Variants in RBFOX1 observed in about 807,000 individuals in gnomAD.
The protein encoded by RBFOX1 is RNA binding protein fox-1 homolog 1.
Under a neutral mutation model 57.7 loss-of-function variants are expected in RBFOX1, and 8 were observed. That is an observed-to-expected ratio of 0.14 (90% CI 0.08 to 0.25). The LOEUF is 0.25. Ranked by LOEUF, RBFOX1 falls within the 10% of genes least tolerant of loss-of-function variation. The probability of loss-of-function intolerance (pLI) is 1.00; values close to 1 mark genes in which losing one functional copy is unlikely to be tolerated. For missense variants in RBFOX1, 611 were observed against 548.5 expected, an observed-to-expected ratio of 1.11 and a Z score of -1.14; for synonymous variants, 326 against 222.4, an observed-to-expected ratio of 1.47 and a Z score of -4.15.
intron 4 of RBFOX1, among the ~76,000 whole-genome samples, chr16:5,953,548 A>G (rs1034305254): frequency 6.6e-6 from 1 of 151,902 alleles, no homozygotes; most frequent in Non-Finnish European, 1.5e-5. Flanking sequence ...ATGCCTTTGC[A>G]TCCTCATAGC....
intron 1 of RBFOX1, chr16:5,289,149 A>ATAACAT: frequency 4.1e-6 from 1 of 242,568 alleles, no homozygotes; most frequent in South Asian, 8.3e-5. Flanking sequence ...ACACACAACA[A>ATAACAT]TAACATTAAA....
chr16:7,687,765 A>G (rs963846034), intron 14 of RBFOX1, among the ~76,000 whole-genome samples: 13 of 152,182 alleles, frequency 8.5e-5, no homozygotes, highest in African/African-American at 2.9e-4. Context: ...TAAGTATAAA[A>G]TGTTAAAAAT....
intron 2 of RBFOX1, among the ~76,000 whole-genome samples, chr16:6,478,430 T>TATA (rs1491380922): frequency 2.6e-3 from 33 of 12,700 alleles, no homozygotes; most frequent in African/African-American, 8.8e-3. Flanking sequence ...TATATATATA[T>TATA]TTTTTTTTTT....
At chr16:5,606,601 G>A (rs1278680270) in intron 3 of RBFOX1, among the ~76,000 whole-genome samples, 5 of 152,100 alleles carry the variant, frequency 3.3e-5, no homozygotes, top group Non-Finnish European at 5.9e-5. Flanking sequence ...GACTCAAACC[G>A]TGCCCTCAAA....
chr16:5,660,766 A>G (rs80056159), intron 3 of RBFOX1, among the ~76,000 whole-genome samples: 2,158 of 152,248 alleles, frequency 0.014, 31 homozygotes, highest in African/African-American at 0.033. Context: ...GATGCCTGCT[A>G]TGCCGGAGAG....
intron 4 of RBFOX1, among the ~76,000 whole-genome samples, chr16:7,082,902 T>C (rs1288572190): frequency 6.6e-6 from 1 of 152,222 alleles, no homozygotes; most frequent in Non-Finnish European, 1.5e-5. Flanking sequence ...ATAATTTCTC[T>C]TGAAGCTTGA....
chr16:6,495,843 G>T (rs1413804002), intron 2 of RBFOX1, among the ~76,000 whole-genome samples: 1 of 152,198 alleles, frequency 6.6e-6, no homozygotes, highest in Non-Finnish European at 1.5e-5. Flanking sequence ...ACGTGGAATT[G>T]TTGGTTGTCC....
intron 2 of RBFOX1, among the ~76,000 whole-genome samples, chr16:6,429,210 T>C (rs1471001025): frequency 6.6e-6 from 1 of 152,218 alleles, no homozygotes; most frequent in African/African-American, 2.4e-5. Context: ...GTTTGAAATG[T>C]GTCTGTGGAG....
In RBFOX1 at chr16:5,641,534, T is replaced by C. The variant is rs1030811025; in HGVS notation, c.318+42573T>C. Among the ~76,000 whole-genome samples, 7 of 152,338 alleles carry C rather than the reference T, an allele frequency of 4.6e-5. No individual in the cohort carries two copies. The South Asian group carries it at 1.2e-3, about 27-fold the overall frequency. ...TACTCAGGTCCTGGCACAGGGTCAC[T>C]GTGCCACCTAGCTCCTGAGTGAGGC... On this transcript the variant is annotated intron_variant, in intron 3 of 19. Transcript: ENST00000641259.
At chr16:6,134,683 A>T (rs1391531029) in intron 1 of RBFOX1, among the ~76,000 whole-genome samples, 7 of 143,460 alleles carry the variant, frequency 4.9e-5, no homozygotes, top group African/African-American at 1.0e-4. Flanking sequence ...AACTCAGAGT[A>T]TTTTTTTTTT....
At chr16:5,624,944 G>T (rs2048305424) in intron 3 of RBFOX1, among the ~76,000 whole-genome samples, 1 of 152,194 alleles carries the variant, frequency 6.6e-6, no homozygotes, top group Non-Finnish European at 1.5e-5. Context: ...TGCACGGTCT[G>T]TAGGGACCCC....
intron 3 of RBFOX1, among the ~76,000 whole-genome samples, chr16:6,770,943 G>T (rs2078192093): frequency 1.3e-5 from 2 of 152,152 alleles, no homozygotes; most frequent in South Asian, 2.1e-4. Flanking sequence ...AGGCCGAATT[G>T]TGTCTCCACT....
chr16:6,750,620 C>G (rs999400762), intron 3 of RBFOX1, among the ~76,000 whole-genome samples: 72 of 152,264 alleles, frequency 4.7e-4, no homozygotes, highest in Middle Eastern at 3.4e-3. Context: ...TTGAAAGAAA[C>G]ATTGAGACCC....
intron 3 of RBFOX1, among the ~76,000 whole-genome samples, chr16:5,690,403 G>A (rs2050637959): frequency 6.6e-6 from 1 of 152,152 alleles, no homozygotes; most frequent in South Asian, 2.1e-4. Flanking sequence ...TTGGGGCTCA[G>A]TGAATCTGTT....
At chr16:7,644,328 T>G (rs1339646842) in intron 11 of RBFOX1, among the ~76,000 whole-genome samples, 1 of 152,216 alleles carries the variant, frequency 6.6e-6, no homozygotes. Context: ...TAGTAAATCC[T>G]AGCTGTTATC....
intron 2 of RBFOX1, among the ~76,000 whole-genome samples, chr16:6,429,812 A>G (rs1354922886): frequency 1.3e-5 from 2 of 152,124 alleles, no homozygotes; most frequent in African/African-American, 4.8e-5. Context: ...CTGTGAGCCA[A>G]TTGCACCTCT....
chr16:6,291,525 G>T (rs2077463954), intron 1 of RBFOX1, among the ~76,000 whole-genome samples: 1 of 152,178 alleles, frequency 6.6e-6, no homozygotes, highest in Non-Finnish European at 1.5e-5. Flanking sequence ...CTGGGAACTG[G>T]TTCATGCAAA....
intron 3 of RBFOX1, among the ~76,000 whole-genome samples, chr16:5,812,874 T>A (rs566189321): frequency 2.6e-4 from 40 of 152,202 alleles, no homozygotes; most frequent in Non-Finnish European, 5.0e-4. Flanking sequence ...CAACTTCTGG[T>A]TTTCCATGTG....
chr16:5,271,368 T>TACATAC (rs1254400894), intron 1 of RBFOX1, among the ~76,000 whole-genome samples: 2 of 127,132 alleles, frequency 1.6e-5, no homozygotes, highest in South Asian at 5.5e-4. Context: ...TATGCATACA[T>TACATAC]ACATACACAT....
Sources: gnomAD v4.1 joint callset for allele counts (sites outside exome capture counted in the v4.1 genomes callset) on GRCh38, gnomAD v4.1.1 for gene constraint, MANE v1.5 for transcripts, NCBI Gene and HGNC (gene_info 2026-07-23, HGNC 2026-07-21) for gene names.